The following PLCG2 variants were observed in gnomAD, a reference collection of about 807,000 sequenced individuals.
PLCG2 encodes 1-phosphatidylinositol 4,5-bisphosphate phosphodiesterase gamma-2.
A neutral mutation model predicts 175.6 loss-of-function variants in PLCG2; 69 were observed. The observed-to-expected ratio is 0.39, with a 90% CI of 0.32 to 0.48. The LOEUF is 0.48. Among genes scored for constraint, PLCG2 ranks in the 20% least tolerant of loss-of-function variants. PLCG2 has a pLI of 0.91. For missense variants in PLCG2, 1,798 were observed against 1,650.9 expected, an observed-to-expected ratio of 1.09 and a Z score of -1.54; for synonymous variants, 827 against 624.0, an observed-to-expected ratio of 1.33 and a Z score of -4.85.
intron 30 of PLCG2, among the ~76,000 whole-genome samples, chr16:81,945,403 C>T (rs1325660007): frequency 6.6e-6 from 1 of 152,236 alleles, no homozygotes; most frequent in Non-Finnish European, 1.5e-5. Flanking sequence ...TTAAAAGCAA[C>T]TCAAACATAT....
intron 20 of PLCG2, among the ~76,000 whole-genome samples, chr16:81,920,735 A>G (rs759855794): frequency 1.0e-5 from 1 of 97,020 alleles, no homozygotes; most frequent in South Asian, 4.3e-4. Context: ...GTAAATGTTC[A>G]AACAGCTCTC....
intron 20 of PLCG2, among the ~76,000 whole-genome samples, 195 bp from the exon 21 acceptor site, chr16:81,921,003 G>T (rs757507453): frequency 1.3e-5 from 2 of 152,140 alleles, no homozygotes; most frequent in African/African-American, 4.8e-5. Context: ...CTGATTTTGG[G>T]TTAGTTTCCA....
rs1193899762 is a variant in PLCG2, at chr16:81,957,976, G to C, written c.3776G>C (p.Ser1259Thr). Residue 1259 changes from serine to threonine, a missense_variant, in exon 33 of 33, where the codon AGC becomes ACC. Physicochemically the swap from Ser to Thr is moderately conservative, Grantham distance 58. Transcript: ENST00000564138. ...TTCAGGTTAAGAGAGAAGAGAGTCA[G>C]CAACAGCAAGTTTTACTCATAGAAG... The part of the protein sequence containing the change: ...CNKRLREKRV[S>T]NSKFYS The C allele has an allele frequency of 6.2e-7, 1 of 1,613,458 alleles. No individual in the cohort carries two copies. The highest frequency in any genetic ancestry group is 1.3e-5 in the African/African-American group (1 of 74,912).
chr16:81,834,085 C>T (rs1339790675), intron 2 of PLCG2, among the ~76,000 whole-genome samples: 2 of 152,184 alleles, frequency 1.3e-5, no homozygotes, highest in African/African-American at 4.8e-5. Flanking sequence ...CTGTGGGCCA[C>T]CCGCACAGAC....
chr16:81,776,915 A>G (rs902156564), upstream of PLCG2, among the ~76,000 whole-genome samples: 39 of 151,780 alleles, frequency 2.6e-4, no homozygotes, highest in African/African-American at 9.5e-4. Context: ...GGCCTCCAGT[A>G]CTCTCTTTCA....
chr16:81,935,280 C>G (rs754600210), intron 26 of PLCG2, among the ~76,000 whole-genome samples: 84 of 152,212 alleles, frequency 5.5e-4, no homozygotes, highest in Non-Finnish European at 1.5e-5. Context: ...TATAAGGACC[C>G]TTGTGATGCA....
intron 9 of PLCG2, among the ~76,000 whole-genome samples, chr16:81,886,382 A>T (rs1190429237): frequency 6.6e-6 from 1 of 152,202 alleles, no homozygotes; most frequent in Non-Finnish European, 1.5e-5. Flanking sequence ...TGGAATAATC[A>T]CTGCAGCACT....
chr16:81,954,276 C>A (rs1300991277), intron 31 of PLCG2, among the ~76,000 whole-genome samples: 1 of 152,236 alleles, frequency 6.6e-6, no homozygotes, highest in Non-Finnish European at 1.5e-5. Flanking sequence ...CCACCTCAGC[C>A]TCCCAAAGTG....
chr16:81,749,152 T>C (rs1909758997), intron 1 of PLCG2, among the ~76,000 whole-genome samples: 1 of 152,102 alleles, frequency 6.6e-6, no homozygotes. Context: ...TTACATGTTC[T>C]CACACTACTG....
chr16:81,896,969 C>T (rs923252823), intron 13 of PLCG2, among the ~76,000 whole-genome samples: 9 of 152,168 alleles, frequency 5.9e-5, no homozygotes, highest in Admixed American at 3.3e-4. Context: ...TGGAGGTCAA[C>T]GAAATTGTTC....
rs1255739864 is a variant in PLCG2 at position 81,815,982 on chromosome 16, A to C, written c.193+29800A>C. Among the ~76,000 whole-genome samples the C allele has an allele frequency of 2.6e-5, 4 of 151,934 alleles. No individual in the cohort carries two copies. The East Asian group carries it at 7.7e-4, about 29-fold the overall frequency. On this transcript the variant is annotated intron_variant, in intron 2 of 32. Coordinates refer to ENST00000564138, the MANE Select transcript of PLCG2 (RefSeq NM_002661.5). The stretch of plus-strand genomic sequence containing the variant: ...GAGGCTGAGGCAAGAGAATTGCTTG[A>C]ACCCGGGAGGTGGAGGTTGCGGTGA...
At chr16:81,801,104 G>A (rs1417465163) in intron 2 of PLCG2, among the ~76,000 whole-genome samples, 3 of 152,158 alleles carry the variant, frequency 2.0e-5, no homozygotes, top group Non-Finnish European at 4.4e-5. Context: ...CGTCTCCAGA[G>A]CTGCAAGATA....
chr16:81,888,855 A>G (rs565319747), intron 9 of PLCG2, among the ~76,000 whole-genome samples: 59 of 152,348 alleles, frequency 3.9e-4, no homozygotes, highest in Admixed American at 5.9e-4. Flanking sequence ...TATTGTTGGA[A>G]TACAACCATG....
Position 81,961,535 on chromosome 16 carries a change from C to T in PLCG2, c.*3537C>T, listed in dbSNP as rs1221577200. 1 of 218,812 alleles carries T rather than the reference C, an allele frequency of 4.6e-6. No homozygotes were observed. Among genetic ancestry groups the T allele is most frequent in the Admixed American group, 5.8e-5 (1 of 17,264 alleles). 13.6% of individuals were successfully genotyped at this position (218,812 alleles called of 1,614,324 possible). On this transcript the variant is annotated 3_prime_UTR_variant, in exon 33 of 33. Coordinates refer to ENST00000564138, the MANE Select transcript of PLCG2 (RefSeq NM_002661.5). ...TTGGTACAGAGATAGAATTAAATAA[C>T]ATAAAAATCAAAAATTTATTAGGCT...
chr16:81,752,467 A>C (rs1909832539), intron 1 of PLCG2, among the ~76,000 whole-genome samples: 1 of 152,138 alleles, frequency 6.6e-6, no homozygotes, highest in African/African-American at 2.4e-5. Flanking sequence ...TGGCCGTGGC[A>C]GCACTAATAG....
chr16:81,854,532 C>G lies in PLCG2; in HGVS notation c.282C>G (p.Cys94Trp). Residue 94 changes from cysteine (C) to tryptophan (W), a missense_variant, in exon 3 of 33, where the codon TGC (cysteine) becomes TGG (tryptophan). By Grantham distance (215) the Cys-to-Trp change is radical (BLOSUM62 -2). Coordinates refer to ENST00000564138, the MANE Select transcript of PLCG2 (RefSeq NM_002661.5). Reference protein sequence around the residue: ...RAKAVRQKEDCCFTILYGTQF... With the variant: ...RAKAVRQKEDWCFTILYGTQF... The stretch of plus-strand genomic sequence containing the variant: ...AAGCAGTTCGCCAGAAAGAAGACTG[C>G]TGCTTCACCATCCTATATGGCACTC... 1 of 1,613,842 alleles carries G rather than the reference C, an allele frequency of 6.2e-7. No individual in the cohort carries two copies. The highest frequency in any genetic ancestry group is 8.5e-7 in the Non-Finnish European group (1 of 1,179,704).
chr16:81,910,567 G>A lies in PLCG2; in HGVS notation c.1781G>A (p.Gly594Asp), dbSNP rs765485488. ...TGCCGGATCCGCTCCACCATGGAGGGCGGGACCCTGAAATACTACTTGACT... is the reference window on the plus strand; with the variant it reads ...TGCCGGATCCGCTCCACCATGGAGGACGGGACCCTGAAATACTACTTGACT... ...QHCRIRSTME[G>D]GTLKYYLTDN... The change falls in exon 18 of 33, where the codon GGC (glycine) becomes GAC (aspartate). Residue 594 changes from glycine (G) to aspartate (D), a missense_variant. By Grantham distance (94) the Gly-to-Asp change is moderately conservative. Coordinates refer to ENST00000564138, the MANE Select transcript of PLCG2 (RefSeq NM_002661.5). 2 of 1,614,146 alleles carry A rather than the reference G, an allele frequency of 1.2e-6. No homozygotes were observed. Among genetic ancestry groups the A allele is most frequent in the Non-Finnish European group, 1.7e-6 (2 of 1,180,000 alleles).
At chr16:81,920,754 AG>A (rs11362228) in intron 20 of PLCG2, among the ~76,000 whole-genome samples, 152,172 of 152,236 alleles carry the variant, frequency 1, 76,054 homozygotes, top group Non-Finnish European at 1. Flanking sequence ...TCAGCGGGGT[AG>A]GGGGAAGGCA....
chr16:81,942,819 T>G (rs1911000365), intron 30 of PLCG2, among the ~76,000 whole-genome samples: 1 of 152,026 alleles, frequency 6.6e-6, no homozygotes, highest in Non-Finnish European at 1.5e-5. Context: ...GCCCTCTCAC[T>G]GGGTGCTCAA....
Sources: allele counts gnomAD v4.1 joint callset (sites outside exome capture counted in the v4.1 genomes callset), GRCh38; gene constraint gnomAD v4.1.1; transcripts MANE v1.5; gene names NCBI Gene and HGNC (gene_info 2026-07-23, HGNC 2026-07-21).